Variants in LSP1 observed in about 807,000 individuals in gnomAD.
The protein encoded by LSP1 is lymphocyte-specific protein 1.
In LSP1, 32 loss-of-function variants were observed where a neutral mutation model predicts 49.3. That is an observed-to-expected ratio of 0.65 (90% confidence interval 0.49 to 0.87). The LOEUF is 0.87. Among genes scored for constraint, LSP1 ranks in the 40% least tolerant of loss-of-function variants. The pLI is 0.00. For synonymous variants in LSP1, 179 were observed against 178.8 expected (o/e 1.00, Z -0.01); for missense variants, 428 against 442.6 (o/e 0.97, Z 0.30).
intron 1 of LSP1, among the ~76,000 whole-genome samples, chr11:1,857,958 G>C (rs1481428753): frequency 6.6e-6 from 1 of 152,134 alleles, no homozygotes; most frequent in African/African-American, 2.4e-5. Context: ...CTTTCACCAT[G>C]TTGGCCAGGC....
At position 1,865,068 on chromosome 11, in the gene LSP1, G is replaced by T. The variant is rs547692330; in HGVS notation, c.53+11871G>T. 42 of 334,260 alleles carry T rather than the reference G, an allele frequency of 1.3e-4. No individual in the cohort carries two copies. In the Middle Eastern group the frequency reaches 4.5e-3, roughly 36 times the overall value. The allele number at this position is 334,260 out of a possible 1,614,324, so 20.7% of individuals were successfully genotyped here. On this transcript the variant is annotated intron_variant, in intron 1 of 10. Transcript: ENST00000311604. ...AGGAGAGGCAGGAAAGCCAAGGAGA[G>T]CTGGGCACAGGGGGGCAGGGGTGCG... is the stretch of plus-strand genomic sequence containing the variant.
intron 1 of LSP1, chr11:1,864,414 C>T (rs532749925): frequency 9.1e-5 from 17 of 186,966 alleles, no homozygotes; most frequent in Non-Finnish European, 1.3e-4. Context: ...TAGGGGAGAC[C>T]GAGAAGCGGG....
intron 1 of LSP1, among the ~76,000 whole-genome samples, chr11:1,860,849 T>TGTGGGTGGATGAGTGG (rs140710358): frequency 7.2e-5 from 11 of 151,852 alleles, no homozygotes; most frequent in Middle Eastern, 3.4e-3. Flanking sequence ...TGGAATTATG[T>TGTGGGTGGATGAGTGG]ATGGGTGGAT....
chr11:1,853,675 G>A (rs1055125439), intron 1 of LSP1, among the ~76,000 whole-genome samples: 13 of 152,196 alleles, frequency 8.5e-5, no homozygotes, highest in Non-Finnish European at 1.6e-4. Flanking sequence ...TCTGGAGGCC[G>A]CCAGGCTTGG....
intron 1 of LSP1, among the ~76,000 whole-genome samples, chr11:1,853,437 C>T (rs1847410503): frequency 6.6e-6 from 1 of 152,234 alleles, no homozygotes; most frequent in Non-Finnish European, 1.5e-5. Context: ...GCCCTGGACT[C>T]ACTGGGGGAG....
chr11:1,859,067 T>G (rs1347515069), intron 1 of LSP1, among the ~76,000 whole-genome samples: 1 of 152,138 alleles, frequency 6.6e-6, no homozygotes, highest in Admixed American at 6.5e-5. Context: ...GGCAGGCACA[T>G]GGGCCCCTGA....
At position 1,883,919 on chromosome 11, in the gene LSP1, T is replaced by G. The variant is rs2133123735; in HGVS notation, c.499-13T>G. ...CAGGGGGTCACTTGGGATGTCTGTT[T>G]TTTTTTTTCTAGCACCAGAAATGTC... is the stretch of plus-strand genomic sequence containing the variant. On this transcript the variant is annotated splice_polypyrimidine_tract_variant and intron_variant, in intron 4 of 10. Coordinates refer to ENST00000311604, the MANE Select transcript of LSP1 (RefSeq NM_002339.3). 6.3e-7 allele frequency: 1 copy of G among 1,595,426 alleles called. No homozygotes were observed. Among genetic ancestry groups the G allele is most frequent in the South Asian group, 1.1e-5 (1 of 88,242 alleles).
intron 1 of LSP1, among the ~76,000 whole-genome samples, chr11:1,865,590 A>C (rs1847763840): frequency 8.3e-6 from 1 of 120,850 alleles, no homozygotes; most frequent in Non-Finnish European, 1.7e-5. Context: ...TCCCACCTGC[A>C]CCGCCGGCTG....
intron 1 of LSP1, chr11:1,869,731 CGAGGGCTGGCGAGCTTGCCAAGGA>C (rs1261434630): frequency 1.1e-5 from 5 of 470,118 alleles, no homozygotes; most frequent in African/African-American, 1.0e-4. Flanking sequence ...TGAGGCCAGG[CGAGGGCTGGCGAGCTTGCCAAGGA>C]GAGGGCGGGC....
intron 3 of LSP1, among the ~76,000 whole-genome samples, chr11:1,883,204 C>A (rs1356009023): frequency 1.3e-5 from 2 of 152,270 alleles, no homozygotes; most frequent in Non-Finnish European, 2.9e-5. Context: ...TCCCCAGGGG[C>A]CTCAGGCCCT....
At chr11:1,864,167 A>AGT in intron 1 of LSP1, 1 of 984,272 alleles carries the variant, frequency 1.0e-6, no homozygotes, top group South Asian at 4.7e-5. Context: ...AGAGGGGCTG[A>AGT]GTGCGAGACG....
Position 1,883,459 on chromosome 11 carries a change from G to C in LSP1, c.397G>C (p.Val133Leu), listed in dbSNP as rs1291913683. The C allele has an allele frequency of 2.5e-5, 40 of 1,614,004 alleles. No individual in the cohort carries two copies. The highest frequency in any genetic ancestry group is 3.2e-5 in the Non-Finnish European group (38 of 1,180,030). The part of the protein sequence containing the change: ...HAYEKEDSDE[V>L]HLEELSLSKE... ...CTACGAAAAGGAGGACAGTGATGAA[G>C]TCCACCTGGAGGAGTTGAGTCTGAG... The change falls in exon 4 of 11, where the codon GTC becomes CTC. Residue 133 changes from valine to leucine, a missense_variant. Val to Leu is a conservative substitution (Grantham distance 32, BLOSUM62 1). Coordinates refer to ENST00000311604, the MANE Select transcript of LSP1 (RefSeq NM_002339.3).
rs1848667950 is a variant in LSP1, at chr11:1,884,323, G to A, written c.635G>A (p.Ser212Asn). ...TCCCTAAACCGCTCCATAGAGAAGA[G>A]GTCTGTCTGTCTGTCTGTCTGCTTT... ...TESLNRSIEK[S>N]NSVKKSQPDL... The change falls in exon 6 of 11, where the codon AGT becomes AAT. Residue 212 changes from serine (S) to asparagine (N), a missense_variant and splice_region_variant. Ser to Asn is a conservative substitution (Grantham distance 46). Coordinates refer to ENST00000311604, the MANE Select transcript of LSP1 (RefSeq NM_002339.3). This position sits in a 1 kb window ranked among gnomAD's most constrained non-coding sequence, Gnocchi z 4.1. 6.2e-7 allele frequency: 1 copy of A among 1,613,956 alleles called. No homozygotes were observed. The highest frequency in any genetic ancestry group is 8.5e-7 in the Non-Finnish European group (1 of 1,179,940).
At chr11:1,889,643 C>A (rs1192355403) in intron 10 of LSP1, 1 of 619,298 alleles carries the variant, frequency 1.6e-6, no homozygotes, top group Non-Finnish European at 3.0e-6. Flanking sequence ...GGGATGAGGC[C>A]CAGGCAGGGC....
Position 1,883,977 on chromosome 11 carries a change from G to A in LSP1, c.544G>A (p.Glu182Lys). The stretch of plus-strand genomic sequence containing the variant: ...CAGGACACCCAGCCCCTTGGTCTTG[G>A]AGGGGACCATCGAACAGAGCTCGCC... ...QPRTPSPLVL[E>K]GTIEQSSPPL... The change falls in exon 5 of 11, where the codon GAG (glutamate) becomes AAG (lysine). Residue 182 changes from glutamate to lysine, a missense_variant. Coordinates refer to ENST00000311604, the MANE Select transcript of LSP1 (RefSeq NM_002339.3). 6.2e-7 allele frequency: 1 copy of A among 1,612,646 alleles called. No homozygotes were observed. The highest frequency in any genetic ancestry group is 8.5e-7 in the Non-Finnish European group (1 of 1,179,612).
chr11:1,862,581 C>T (rs920194022), intron 1 of LSP1, among the ~76,000 whole-genome samples: 4 of 152,128 alleles, frequency 2.6e-5, no homozygotes, highest in African/African-American at 9.7e-5. Flanking sequence ...CTGCCCCCCA[C>T]CCCAGGTAAT....
chr11:1,855,309 A>G (rs971161720), intron 1 of LSP1, among the ~76,000 whole-genome samples: 11 of 152,286 alleles, frequency 7.2e-5, no homozygotes, highest in East Asian at 5.8e-4. Flanking sequence ...GTCCCCAGGA[A>G]GGCCCAGGCT....
chr11:1,853,974 C>T (rs1189533928), intron 1 of LSP1, among the ~76,000 whole-genome samples: 2 of 152,176 alleles, frequency 1.3e-5, no homozygotes, highest in Non-Finnish European at 2.9e-5. Flanking sequence ...AACTGGGCTC[C>T]CTGGCAGAGG....
chr11:1,857,151 C>T (rs1413277462), intron 1 of LSP1, among the ~76,000 whole-genome samples: 1 of 152,196 alleles, frequency 6.6e-6, no homozygotes, highest in Non-Finnish European at 1.5e-5. Context: ...CGCTGCTGTC[C>T]ACCGACACCC....
Sources: allele counts gnomAD v4.1 joint callset (sites outside exome capture counted in the v4.1 genomes callset), GRCh38; gene constraint gnomAD v4.1.1; non-coding constraint Gnocchi (gnomAD v3.1); transcripts MANE v1.5; gene names NCBI Gene and HGNC (gene_info 2026-07-23, HGNC 2026-07-21).